The following MS4A14 variants were observed in gnomAD, a reference collection of about 807,000 sequenced individuals.
MS4A14 encodes the protein membrane-spanning 4-domains subfamily A member 14.
A neutral mutation model predicts 16.7 loss-of-function variants in MS4A14; 18 were observed. The ratio of observed to expected loss-of-function variants is 1.08; its 90% confidence interval spans 0.75 to 1.60. MS4A14 has a LOEUF of 1.60. MS4A14 is among the 40% of genes most tolerant of loss of function. MS4A14 has a pLI of 0.00. For synonymous variants in MS4A14, 305 were observed against 289.4 expected (o/e 1.05, Z -0.55); for missense variants, 812 against 775.3 (o/e 1.05, Z -0.56).
intron 4 of MS4A14, among the ~76,000 whole-genome samples, chr11:60,409,529 T>C (rs1165655681): frequency 1.3e-5 from 2 of 150,616 alleles, no homozygotes; most frequent in Non-Finnish European, 3.0e-5. Context: ...TAGTATTCTA[T>C]TGTTTGTGTG....
At position 60,415,730 on chromosome 11, in the gene MS4A14, A is replaced by G; in HGVS notation, c.762A>G (p.Thr254=). ...SEEEIEPLPP[T]LEKKPSENMS... Reference sequence around the variant, plus strand: ...AAGAAATTGAACCTTTGCCTCCCACACTAGAGAAAAAGCCCTCAGAAAATA... The same window carrying G: ...AAGAAATTGAACCTTTGCCTCCCACGCTAGAGAAAAAGCCCTCAGAAAATA... The change falls in exon 5 of 5, where the codon ACA becomes ACG. Residue 254 remains threonine (T), a synonymous_variant. Transcript: ENST00000300187. 1 of 1,613,936 alleles carries G rather than the reference A, an allele frequency of 6.2e-7. No individual in the cohort carries two copies.
At chr11:60,410,743 C>T (rs2085856501) in intron 4 of MS4A14, among the ~76,000 whole-genome samples, 1 of 152,112 alleles carries the variant, frequency 6.6e-6, no homozygotes, top group South Asian at 2.1e-4. Context: ...AATTGATTTA[C>T]TATATATGTG....
Position 60,415,931 on chromosome 11 carries a change from A to C in MS4A14, c.963A>C (p.Pro321=). The stretch of plus-strand genomic sequence containing the variant: ...AAGATATATCACCTGAAGACTTGCC[A>C]TCCCAAGCTCTACCAGTAGAAGGCC... ...KLEDISPEDL[P]SQALPVEGLS... The change falls in exon 5 of 5, where the codon CCA becomes CCC. Residue 321 remains proline (P), a synonymous_variant. Coordinates refer to ENST00000300187, the MANE Select transcript of MS4A14 (RefSeq NM_032597.5). 1 of 1,614,012 alleles carries C rather than the reference A, an allele frequency of 6.2e-7. No homozygotes were observed. The highest frequency in any genetic ancestry group is 8.5e-7 in the Non-Finnish European group (1 of 1,179,936).
intron 3 of MS4A14, 146 bp downstream of exon 3, chr11:60,400,600 C>T: frequency 1.9e-6 from 1 of 529,684 alleles, no homozygotes; most frequent in East Asian, 3.0e-5. Context: ...TTTGCCAGTG[C>T]CACTGTTTGC....
chr11:60,415,665 C>T lies in MS4A14; in HGVS notation c.697C>T (p.Gln233Ter), dbSNP rs1194617004. 2 of 1,613,786 alleles carry T rather than the reference C, an allele frequency of 1.2e-6. No homozygotes were observed. Among genetic ancestry groups the T allele is most frequent in the African/African-American group, 2.7e-5 (2 of 74,878 alleles). ...AGGTAGAGAATTTGTGCCAGATGAA[C>T]AAAAGCAAAGTATCCTTCCATCTCC... ...NKGREFVPDE[Q>*]KQSILPSPKF... Residue 233 changes from glutamine (Q) to a stop codon, truncating the protein, a stop_gained, in exon 5 of 5, where the codon CAA (glutamine) becomes TAA (stop). Transcript: ENST00000300187. LOFTEE classifies it low-confidence loss of function (END_TRUNC).
Position 60,415,936 on chromosome 11 carries a change from A to G in MS4A14, c.968A>G (p.Gln323Arg). The G allele has an allele frequency of 6.2e-7, 1 of 1,613,932 alleles. No homozygotes were observed. The change falls in exon 5 of 5, where the codon CAA becomes CGA. Residue 323 changes from glutamine to arginine, a missense_variant. By Grantham distance (43) the Gln-to-Arg change is conservative (BLOSUM62 1). Transcript: ENST00000300187. ...ATATCACCTGAAGACTTGCCATCCC[A>G]AGCTCTACCAGTAGAAGGCCTGTCA... ...EDISPEDLPS[Q>R]ALPVEGLSEQ...
chr11:60,396,841 C>A, intron 1 of MS4A14, 125 bp downstream of exon 1: 1 of 988,980 alleles, frequency 1.0e-6, no homozygotes, highest in Non-Finnish European at 1.4e-6. Context: ...TTTCCCCCTT[C>A]ACCTTACATG....
intron 1 of MS4A14, 27 bp from the exon 2 acceptor site, chr11:60,397,825 C>T: frequency 6.2e-7 from 1 of 1,609,016 alleles, no homozygotes; most frequent in Non-Finnish European, 8.5e-7. Flanking sequence ...TACTTGTAAC[C>T]TCATGTACCC....
At chr11:60,408,734 T>TTCC (rs1310852654) in intron 4 of MS4A14, among the ~76,000 whole-genome samples, 1 of 152,228 alleles carries the variant, frequency 6.6e-6, no homozygotes, top group Non-Finnish European at 1.5e-5. Context: ...TTCTGCCTTT[T>TTCC]GCATATTGTG....
Position 60,396,554 on chromosome 11 carries a change from C to T in MS4A14, c.-25C>T. On this transcript the variant is annotated 5_prime_UTR_variant, in exon 1 of 5. Transcript: ENST00000300187. Reference sequence around the variant, plus strand: ...GCGGCAATGTTTGCTCACTCTTTCCCTTACTAGAGTTCTGCCATAGAATCA... The same window carrying T: ...GCGGCAATGTTTGCTCACTCTTTCCTTTACTAGAGTTCTGCCATAGAATCA... The T allele has an allele frequency of 6.2e-7, 1 of 1,610,044 alleles. No individual in the cohort carries two copies.
rs1241345082 is a variant in MS4A14, at chr11:60,416,397, C to T, written c.1429C>T (p.Leu477Phe). Residue 477 changes from leucine (L) to phenylalanine (F), a missense_variant, in exon 5 of 5, where the codon CTC (leucine) becomes TTC (phenylalanine). By Grantham distance (22) the Leu-to-Phe change is conservative. Coordinates refer to ENST00000300187, the MANE Select transcript of MS4A14 (RefSeq NM_032597.5). The stretch of plus-strand genomic sequence containing the variant: ...CAAAGAATGGAAATCTGAGGAGGAA[C>T]TCCATAGAAGAAAATCCTCAAGACG... ...ETKEWKSEEELHRRKSSRRHS... is the reference protein window; with the variant it reads ...ETKEWKSEEEFHRRKSSRRHS... 9 of 1,613,884 alleles carry T rather than the reference C, an allele frequency of 5.6e-6. No homozygotes were observed. The highest frequency in any genetic ancestry group is 1.1e-5 in the South Asian group (1 of 91,086).
rs575292591 is a variant in MS4A14 at position 60,416,135 on chromosome 11, C to T, written c.1167C>T (p.Asp389=). The T allele has an allele frequency of 2.0e-5, 33 of 1,611,052 alleles. No individual in the cohort carries two copies. The highest frequency in any genetic ancestry group is 1.1e-4 in the East Asian group (5 of 44,560). ...AATCCCTAGATATGCTATCTCAAGA[C>T]ACACCATCCCACGCCATGCCACCTC... ...DMQSLDMLSQ[D]TPSHAMPPQD... is the part of the protein sequence containing the mutation. The change falls in exon 5 of 5, where the codon GAC becomes GAT. Residue 389 remains aspartate (D), a synonymous_variant. Transcript: ENST00000300187.
chr11:60,396,684 G>C lies in MS4A14; in HGVS notation c.106G>C (p.Asp36His). Residue 36 changes from aspartate to histidine, a missense_variant, in exon 1 of 5, where the codon GAT becomes CAT. Physicochemically the swap from Asp to His is moderately conservative, Grantham distance 81. Transcript: ENST00000300187. ...FPYRPHSSLL[D>H]FLKGEPRVLG... ...CTACAGACCTCATAGCTCTCTGCTG[G>C]ATTTTCTGAAGGGAGAGCCAAGAGT... is the stretch of plus-strand genomic sequence containing the variant. The C allele has an allele frequency of 1.2e-6, 2 of 1,613,892 alleles. No homozygotes were observed. The highest frequency in any genetic ancestry group is 1.7e-6 in the Non-Finnish European group (2 of 1,179,922).
intron 4 of MS4A14, among the ~76,000 whole-genome samples, chr11:60,410,995 G>A (rs2085861132): frequency 6.6e-6 from 1 of 152,044 alleles, no homozygotes; most frequent in Non-Finnish European, 1.5e-5. Flanking sequence ...ATAGGCGCAT[G>A]CCACCATGCC....
rs80173276 is a variant in MS4A14, at chr11:60,416,609, C to G, written c.1641C>G (p.Ser547=). 9.9e-6 allele frequency: 16 copies of G among 1,613,844 alleles called. No homozygotes were observed. The highest frequency in any genetic ancestry group is 1.4e-5 in the Non-Finnish European group (16 of 1,179,942). Residue 547 remains serine (S), a synonymous_variant, in exon 5 of 5, where the codon TCC becomes TCG. Coordinates refer to ENST00000300187, the MANE Select transcript of MS4A14 (RefSeq NM_032597.5). ...ACTGGCTATCCCCAAAGAGGCACTCCGTAGATAAGCAAGCTCAACTTAATC... is the reference window on the plus strand; with the variant it reads ...ACTGGCTATCCCCAAAGAGGCACTCGGTAGATAAGCAAGCTCAACTTAATC... ...IKDWLSPKRH[S]VDKQAQLNQT...
At chr11:60,404,654 G>C (rs1437259766) in intron 4 of MS4A14, 1 of 452,606 alleles carries the variant, frequency 2.2e-6, no homozygotes, top group Non-Finnish European at 4.4e-6. Flanking sequence ...TTCCGGCTTT[G>C]AACCGTCACC....
At chr11:60,408,399 C>T (rs2085819927) in intron 4 of MS4A14, among the ~76,000 whole-genome samples, 1 of 152,142 alleles carries the variant, frequency 6.6e-6, no homozygotes, top group Non-Finnish European at 1.5e-5. Flanking sequence ...TCACCACTAT[C>T]TATGCCCCAA....
In MS4A14 at chr11:60,396,553, C is replaced by G. The variant is rs866187960; in HGVS notation, c.-26C>G. 1.9e-6 allele frequency: 3 copies of G among 1,609,846 alleles called. No homozygotes were observed. The highest frequency in any genetic ancestry group is 1.7e-6 in the Non-Finnish European group (2 of 1,177,918). On this transcript the variant is annotated 5_prime_UTR_variant, in exon 1 of 5. Transcript: ENST00000300187. ...GGCGGCAATGTTTGCTCACTCTTTC[C>G]CTTACTAGAGTTCTGCCATAGAATC...
At chr11:60,400,085 C>G (rs1279668062) in intron 2 of MS4A14, among the ~76,000 whole-genome samples, 3 of 152,156 alleles carry the variant, frequency 2.0e-5, no homozygotes, top group Non-Finnish European at 4.4e-5. Flanking sequence ...AGCTCCTCCT[C>G]TTCTCTTCAA....
Sources: gnomAD v4.1 joint callset for allele counts (sites outside exome capture counted in the v4.1 genomes callset) on GRCh38, gnomAD v4.1.1 for gene constraint, MANE v1.5 for transcripts, NCBI Gene and HGNC (gene_info 2026-07-23, HGNC 2026-07-21) for gene names.